The following FRMD6 variants were observed in gnomAD, a reference collection of about 807,000 sequenced individuals.
FRMD6 encodes FERM domain containing 6.
FRMD6 carries 37 observed loss-of-function variants against 73.2 expected under a neutral mutation model. The ratio of observed to expected loss-of-function variants is 0.51; its 90% confidence interval spans 0.39 to 0.66. The LOEUF is 0.66. Ranked by LOEUF, FRMD6 falls within the 30% of genes least tolerant of loss-of-function variation. The pLI is 0.00. For synonymous variants in FRMD6, 273 were observed against 282.2 expected (o/e 0.97, Z 0.33); for missense variants, 714 against 780.5 (o/e 0.91, Z 1.02).
At chr14:51,459,882 C>CTTTTTTTTTTTTTTTTT in the FRMD6 span, among the ~76,000 whole-genome samples, 10 of 23,428 alleles carry the variant, frequency 4.3e-4, no homozygotes, top group South Asian at 2.3e-3. Context: ...ATTACTGACT[C>CTTTTTTTTTTTTTTTTT]TCTTTTTTTT....
At chr14:51,576,467 G>A (rs984539719) in intron 2 of FRMD6, among the ~76,000 whole-genome samples, 1 of 152,072 alleles carries the variant, frequency 6.6e-6, no homozygotes, top group Non-Finnish European at 1.5e-5. Context: ...TCTGAACTCG[G>A]GCATGCCTAT....
At chr14:51,579,548 A>G (rs914275343) in intron 2 of FRMD6, among the ~76,000 whole-genome samples, 11 of 152,208 alleles carry the variant, frequency 7.2e-5, no homozygotes, top group African/African-American at 2.7e-4. Context: ...TGATAGCTCC[A>G]TGAAGGTAGG....
At chr14:51,652,892 C>T (rs930019014) in intron 1 of FRMD6, among the ~76,000 whole-genome samples, 28 of 152,200 alleles carry the variant, frequency 1.8e-4, no homozygotes, top group Admixed American at 1.3e-4. Context: ...CGGGCGTTTT[C>T]TTAAAGGCAC....
At position 51,720,371 on chromosome 14, in the gene FRMD6, A is replaced by G. The variant is rs371444265; in HGVS notation, c.1341A>G (p.Glu447=). ...AGAGTGGCGGCAAAGACCGGCTGGA[A>G]GAGGACTTACAGGACGATGGTAACA... The part of the protein sequence containing the change: ...GVESGGKDRL[E]EDLQDDEIEM... Residue 447 remains glutamate (E), a synonymous_variant, in exon 11 of 14, where the codon GAA becomes GAG. Coordinates refer to ENST00000344768, the MANE Select transcript of FRMD6 (RefSeq NM_001267046.2). 43 of 1,613,494 alleles carry G rather than the reference A, an allele frequency of 2.7e-5. No homozygotes were observed. The highest frequency in any genetic ancestry group is 3.3e-5 in the Admixed American group (2 of 60,014).
At position 51,549,494 on chromosome 14, in the gene FRMD6, C is replaced by G. The variant is rs555711319; in HGVS notation, c.-209-20854C>G. Among the ~76,000 whole-genome samples, 67 of 152,112 alleles carry G rather than the reference C, an allele frequency of 4.4e-4. 3 individuals carry two copies. In the South Asian group the frequency reaches 0.014, roughly 31 times the overall value. ...AGCAGAGAAGAATACCTTCCCTTCC[C>G]CGAACTCATCTGCTGCTGCATTAGT... On this transcript the variant is annotated intron_variant, in intron 1 of 14. Coordinates refer to the FRMD6 transcript ENST00000356218.
intron 1 of FRMD6, among the ~76,000 whole-genome samples, chr14:51,489,853 T>C (rs1372360780): frequency 6.6e-6 from 1 of 152,228 alleles, no homozygotes; most frequent in Non-Finnish European, 1.5e-5. Context: ...CGTTTTATTC[T>C]AAATGTTTCA....
chr14:51,662,855 G>A (rs1718708527), intron 1 of FRMD6, among the ~76,000 whole-genome samples: 1 of 152,132 alleles, frequency 6.6e-6, no homozygotes, highest in Non-Finnish European at 1.5e-5. Context: ...ACAACCTACA[G>A]AATGGAAGAA....
chr14:51,688,362 C>T (rs368599815), intron 1 of FRMD6, among the ~76,000 whole-genome samples: 34 of 152,146 alleles, frequency 2.2e-4, no homozygotes, highest in East Asian at 5.8e-4. Context: ...GTTTTAGTTT[C>T]GAGTAATTCC....
Position 51,710,092 on chromosome 14 carries a change from A to G in FRMD6, c.715-1439A>G, listed in dbSNP as rs10146523. ...ATTAAGAAATAAGAATCTTTTGTTG[A>G]AGTAGATATCCCCAATTTATCTTCT... is the stretch of plus-strand genomic sequence containing the variant. On this transcript the variant is annotated intron_variant, in intron 7 of 13. Transcript: ENST00000344768. Among the ~76,000 whole-genome samples the G allele has an allele frequency of 1.7e-3, 254 of 152,272 alleles. 1 individual carries two copies. The highest frequency in any genetic ancestry group is 5.9e-3 in the African/African-American group (245 of 41,564).
intron 10 of FRMD6, chr14:51,717,150 G>A (rs1897283142): frequency 6.6e-6 from 1 of 152,062 alleles, no homozygotes; most frequent in Non-Finnish European, 1.5e-5. Context: ...AAGTGTATTC[G>A]GAGGCTTAAG....
rs144967579 is a variant in FRMD6 at position 51,549,380 on chromosome 14, G to A, written c.-209-20968G>A. ...ACAATCACAGTAGATTACATGGCAG[G>A]CTAACAAAGTCTTATTTTGAAAATT... On this transcript the variant is annotated intron_variant, in intron 1 of 14. Coordinates refer to the FRMD6 transcript ENST00000356218. 1.6e-4 allele frequency among the ~76,000 whole-genome samples: 24 copies of A among 152,190 alleles called. No homozygotes were observed. In the East Asian group the frequency reaches 4.4e-3, roughly 28 times the overall value.
the FRMD6 span, among the ~76,000 whole-genome samples, chr14:51,418,222 G>A: frequency 6.6e-6 from 1 of 152,202 alleles, no homozygotes; most frequent in Non-Finnish European, 1.5e-5. Flanking sequence ...ATCCTTTGGA[G>A]GAGAAGAGGC....
At chr14:51,681,085 C>G (rs1198334628) in intron 1 of FRMD6, among the ~76,000 whole-genome samples, 1 of 152,108 alleles carries the variant, frequency 6.6e-6, no homozygotes, top group African/African-American at 2.4e-5. Flanking sequence ...TTATATTCTC[C>G]CTTTTCTATA....
At chr14:51,512,234 G>C (rs765994974) in intron 1 of FRMD6, among the ~76,000 whole-genome samples, 2 of 152,078 alleles carry the variant, frequency 1.3e-5, no homozygotes, top group African/African-American at 4.8e-5. Flanking sequence ...GTGTTGTGGT[G>C]GTTTAATTAA....
chr14:51,591,400 T>G (rs1889385108), intron 2 of FRMD6, among the ~76,000 whole-genome samples: 1 of 152,206 alleles, frequency 6.6e-6, no homozygotes, highest in African/African-American at 2.4e-5. Context: ...TATGACAATT[T>G]GCAAAAAAGA....
chr14:51,672,902 A>T (rs901718577), intron 1 of FRMD6, among the ~76,000 whole-genome samples: 2 of 152,092 alleles, frequency 1.3e-5, no homozygotes, highest in African/African-American at 4.8e-5. Context: ...TTCATGGAGG[A>T]TAAGTGTAGA....
At chr14:51,665,396 G>A (rs1893507566) in intron 1 of FRMD6, among the ~76,000 whole-genome samples, 2 of 152,086 alleles carry the variant, frequency 1.3e-5, no homozygotes, top group African/African-American at 2.4e-5. Context: ...CTAACCTTGT[G>A]TTTAGATACT....
intron 11 of FRMD6, 38 bp from the exon 12 acceptor site, chr14:51,721,911 T>C: frequency 1.2e-6 from 2 of 1,610,222 alleles, no homozygotes; most frequent in Non-Finnish European, 1.7e-6. Context: ...GTCATTTCCC[T>C]TTTTGTCATT....
chr14:51,616,080 C>T (rs1400673849), intron 2 of FRMD6, among the ~76,000 whole-genome samples: 2 of 152,104 alleles, frequency 1.3e-5, no homozygotes, highest in African/African-American at 2.4e-5. Flanking sequence ...GAAAGAAGGA[C>T]ATACCAACCT....
Sources: allele counts gnomAD v4.1 joint callset (sites outside exome capture counted in the v4.1 genomes callset), GRCh38; gene constraint gnomAD v4.1.1; transcripts MANE v1.5; gene names NCBI Gene and HGNC (gene_info 2026-07-23, HGNC 2026-07-21).